SH3PXD2B: variants seen among roughly 807,000 people sequenced by gnomAD.
SH3PXD2B encodes the protein SH3 and PX domains 2B, also known as SH3 and PX domain-containing protein 2B.
A neutral mutation model predicts 73.1 loss-of-function variants in SH3PXD2B; 37 were observed. The ratio of observed to expected loss-of-function variants is 0.51; its 90% CI spans 0.39 to 0.67. The LOEUF is 0.67. SH3PXD2B is among the 30% of genes least tolerant of loss of function. The pLI is 0.00. For synonymous variants in SH3PXD2B, 457 were observed against 480.5 expected, an observed-to-expected ratio of 0.95 and a Z score of 0.64; for missense variants, 1,053 against 1,197.8, an observed-to-expected ratio of 0.88 and a Z score of 1.78.
intron 1 of SH3PXD2B, among the ~76,000 whole-genome samples, chr5:172,443,529 C>T (rs1223348209): frequency 6.6e-6 from 1 of 152,238 alleles, no homozygotes; most frequent in Non-Finnish European, 1.5e-5. Context: ...CCTGTCGCAG[C>T]CCTTATCCTA....
intron 2 of SH3PXD2B, among the ~76,000 whole-genome samples, chr5:172,414,789 CAG>C (rs1452749328): frequency 4.6e-5 from 7 of 152,190 alleles, no homozygotes; most frequent in African/African-American, 1.4e-4. Flanking sequence ...CCTTCACGGG[CAG>C]AGTGACTCAG....
At chr5:172,379,088 A>T (rs1429087388) in intron 5 of SH3PXD2B, among the ~76,000 whole-genome samples, 1 of 150,942 alleles carries the variant, frequency 6.6e-6, no homozygotes, top group Non-Finnish European at 1.5e-5. Flanking sequence ...AAAAAAAAAA[A>T]AAAGGAAAGT....
chr5:172,353,797 G>A lies in SH3PXD2B; in HGVS notation c.785+91C>T, dbSNP rs369947505. On this transcript the variant is annotated intron_variant, in intron 9 of 12. Coordinates refer to ENST00000311601, the MANE Select transcript of SH3PXD2B (RefSeq NM_001017995.3). The surrounding 1 kb of genome is among the most constrained non-coding windows in gnomAD (Gnocchi z 4.3). Reference sequence around the variant, plus strand: ...CTTCGCCCAGATGCAATCACTTACCGACCTCTGTGAGGCCAGAGTCCCTGT... The same window carrying A: ...CTTCGCCCAGATGCAATCACTTACCAACCTCTGTGAGGCCAGAGTCCCTGT... 4 of 977,390 alleles carry A rather than the reference G, an allele frequency of 4.1e-6. No individual in the cohort carries two copies. Among genetic ancestry groups the A allele is most frequent in the Non-Finnish European group, 3.3e-6 (2 of 601,656 alleles). 60.5% of individuals were successfully genotyped at this position (977,390 alleles called of 1,614,324 possible). A position where few individuals can be genotyped will look rare whatever the true frequency, so the allele number is the denominator to read the frequency against.
intron 2 of SH3PXD2B, among the ~76,000 whole-genome samples, chr5:172,412,507 T>C (rs1020273936): frequency 6.6e-6 from 1 of 152,254 alleles, no homozygotes; most frequent in African/African-American, 2.4e-5. Flanking sequence ...TATTTCGTTT[T>C]CTTCATCACT....
At chr5:172,378,819 C>G (rs1757876932) in intron 5 of SH3PXD2B, among the ~76,000 whole-genome samples, 1 of 152,138 alleles carries the variant, frequency 6.6e-6, no homozygotes, top group Non-Finnish European at 1.5e-5. Flanking sequence ...GCCTGTAATC[C>G]CAGCACTTTG....
At chr5:172,354,768 T>C (rs1035482007) in intron 8 of SH3PXD2B, among the ~76,000 whole-genome samples, 1 of 152,258 alleles carries the variant, frequency 6.6e-6, no homozygotes, top group African/African-American at 2.4e-5. Flanking sequence ...AATCCAACCA[T>C]GCTCGAAGCT....
chr5:172,392,449 G>C (rs896207156), intron 4 of SH3PXD2B, among the ~76,000 whole-genome samples: 62 of 152,112 alleles, frequency 4.1e-4, no homozygotes, highest in African/African-American at 1.5e-3. Flanking sequence ...GAATGCAACA[G>C]GTGACTATCT....
Position 172,425,772 on chromosome 5 carries a change from C to T in SH3PXD2B, c.76-3276G>A, listed in dbSNP as rs1759081740. On this transcript the variant is annotated intron_variant, in intron 1 of 12. Coordinates refer to ENST00000311601, the MANE Select transcript of SH3PXD2B (RefSeq NM_001017995.3). ...TTAAAAATATCCATAGGTATCCCTC[C>T]AGCTGCTGTGTGGAAACGGCTTGAA... Among the ~76,000 whole-genome samples the T allele has an allele frequency of 2.0e-5, 3 of 152,182 alleles. No homozygotes were observed. In the South Asian group the frequency reaches 6.2e-4, roughly 32 times the overall value.
intron 1 of SH3PXD2B, among the ~76,000 whole-genome samples, chr5:172,439,959 G>A (rs2113503266): frequency 6.6e-6 from 1 of 152,302 alleles, no homozygotes; most frequent in African/African-American, 2.4e-5. Flanking sequence ...GGCGGCGTGG[G>A]GAACTTTCCA....
intron 8 of SH3PXD2B, among the ~76,000 whole-genome samples, chr5:172,357,946 T>C (rs1179794660): frequency 6.6e-6 from 1 of 152,240 alleles, no homozygotes. Flanking sequence ...GGTCAGGTAT[T>C]GCTGATACAA....
intron 3 of SH3PXD2B, among the ~76,000 whole-genome samples, chr5:172,396,476 A>G (rs1353239108): frequency 6.6e-6 from 1 of 152,244 alleles, no homozygotes; most frequent in East Asian, 1.9e-4. Flanking sequence ...TTTGCAATGC[A>G]AAGTGGTAAA....
Position 172,442,981 on chromosome 5 carries a change from T to C in SH3PXD2B, c.75+11297A>G, listed in dbSNP as rs373316050. Among the ~76,000 whole-genome samples the C allele has an allele frequency of 2.8e-4, 43 of 152,288 alleles. No individual in the cohort carries two copies. In the East Asian group the frequency reaches 3.1e-3, roughly 11 times the overall value. ...TCTTTTTTTGGAGCCATGAATCTCTTTGGCATCTGAGGAAACCCACGGACC... is the reference window on the plus strand; with the variant it reads ...TCTTTTTTTGGAGCCATGAATCTCTCTGGCATCTGAGGAAACCCACGGACC... On this transcript the variant is annotated intron_variant, in intron 1 of 12. Coordinates refer to ENST00000311601, the MANE Select transcript of SH3PXD2B (RefSeq NM_001017995.3).
intron 1 of SH3PXD2B, among the ~76,000 whole-genome samples, chr5:172,434,787 T>TTTTTGTTTGTTTTTG (rs1759331656): frequency 6.7e-6 from 1 of 149,436 alleles, no homozygotes; most frequent in South Asian, 2.1e-4. Context: ...CAATGGTTTT[T>TTTTTGTTTGTTTTTG]TTTTTTTTTT....
chr5:172,349,903 G>A (rs1273411782), intron 10 of SH3PXD2B, among the ~76,000 whole-genome samples: 7 of 152,068 alleles, frequency 4.6e-5, no homozygotes, highest in East Asian at 1.9e-4. Context: ...AGGCTGGAGC[G>A]CGAGTGCAAT....
At position 172,378,876 on chromosome 5, in the gene SH3PXD2B, C is replaced by A. The variant is rs1757878319; in HGVS notation, c.401+3160G>T. ...ACGAGGCCAGGAGATCGAGACCATC[C>A]TGGCTAACACGGTGAAACCCCGTCT... On this transcript the variant is annotated intron_variant, in intron 5 of 12. Coordinates refer to ENST00000311601, the MANE Select transcript of SH3PXD2B (RefSeq NM_001017995.3). Among the ~76,000 whole-genome samples, 6 of 152,198 alleles carry A rather than the reference C, an allele frequency of 3.9e-5. No homozygotes were observed. In the South Asian group the frequency reaches 1.0e-3, roughly 26 times the overall value.
At chr5:172,404,027 A>G (rs1197714607) in intron 3 of SH3PXD2B, among the ~76,000 whole-genome samples, 2 of 152,190 alleles carry the variant, frequency 1.3e-5, no homozygotes, top group Non-Finnish European at 2.9e-5. Flanking sequence ...TGGCTGCCGC[A>G]GCTGGCCAGC....
At chr5:172,370,362 G>A (rs942351987) in intron 6 of SH3PXD2B, among the ~76,000 whole-genome samples, 3 of 152,206 alleles carry the variant, frequency 2.0e-5, no homozygotes, top group Non-Finnish European at 4.4e-5. Flanking sequence ...TGATGAATGC[G>A]CTGGGCGTTT....
intron 1 of SH3PXD2B, among the ~76,000 whole-genome samples, chr5:172,436,208 A>G (rs1424973343): frequency 3.3e-5 from 5 of 152,256 alleles, no homozygotes; most frequent in Non-Finnish European, 5.9e-5. Flanking sequence ...GAAGTGACTC[A>G]GGCCAGCAGT....
At chr5:172,325,857 C>T (rs991181571) in intron 12 of SH3PXD2B, among the ~76,000 whole-genome samples, 2 of 152,192 alleles carry the variant, frequency 1.3e-5, no homozygotes, top group Non-Finnish European at 2.9e-5. Flanking sequence ...ACACGATCTC[C>T]GCTCACCGCA....
Sources: gnomAD v4.1 joint callset for allele counts (sites outside exome capture counted in the v4.1 genomes callset) on GRCh38, gnomAD v4.1.1 for gene constraint, Gnocchi (gnomAD v3.1) non-coding constraint, MANE v1.5 for transcripts, NCBI Gene and HGNC (gene_info 2026-07-23, HGNC 2026-07-21) for gene names.